Variants in DHX34 observed in about 807,000 individuals in gnomAD.
The protein encoded by DHX34 is probable ATP-dependent RNA helicase DHX34.
Under a neutral mutation model 111.1 loss-of-function variants are expected in DHX34, and 96 were observed. That is an observed-to-expected ratio of 0.86 (90% confidence interval 0.73 to 1.02). The LOEUF (loss-of-function observed/expected upper bound fraction) is 1.02, where lower values mean the gene tolerates loss of function less well. Among genes scored for constraint, DHX34 ranks in the 50% least tolerant of loss-of-function variants. The pLI, the probability that DHX34 is intolerant of heterozygous loss-of-function variation, is 0.00. For synonymous variants in DHX34, 688 were observed against 670.4 expected (o/e 1.03, Z -0.41); for missense variants, 1,560 against 1,579.9 (o/e 0.99, Z 0.21).
intron 14 of DHX34, 25 bp from the exon 15 acceptor site, chr19:47,380,791 C>G (rs751561460): frequency 8.1e-6 from 13 of 1,613,116 alleles, no homozygotes; most frequent in Admixed American, 6.7e-5. Flanking sequence ...CTGTCTCTCT[C>G]CATTTCCTGT....
chr19:47,379,011 C>T (rs999856820), intron 13 of DHX34, among the ~76,000 whole-genome samples: 13 of 151,932 alleles, frequency 8.6e-5, no homozygotes, highest in Non-Finnish European at 1.6e-4. Flanking sequence ...TGCCTGTAAT[C>T]CCAGCTACTA....
Position 47,376,561 on chromosome 19 carries a change from G to T in DHX34, c.2599+1G>T. On this transcript the variant is annotated splice_donor_variant, in intron 12 of 16. Transcript: ENST00000328771. LOFTEE classifies it high-confidence loss of function. Reference sequence around the variant, plus strand: ...GCCAGCAACTGCGACGGAAGCCGAGGTACAGTGAGCCCAGGCGGAAGGAAC... The same window carrying T: ...GCCAGCAACTGCGACGGAAGCCGAGTTACAGTGAGCCCAGGCGGAAGGAAC... The T allele has an allele frequency of 1.3e-6, 2 of 1,556,122 alleles. No homozygotes were observed. Among genetic ancestry groups the T allele is most frequent in the Non-Finnish European group, 1.7e-6 (2 of 1,150,676 alleles).
intron 4 of DHX34, among the ~76,000 whole-genome samples, chr19:47,358,552 C>T (rs1270291214): frequency 6.6e-6 from 1 of 151,648 alleles, no homozygotes; most frequent in Non-Finnish European, 1.5e-5. Flanking sequence ...TTCTTGGGCT[C>T]AAGTGATCCT....
At chr19:47,365,888 A>C (rs1275300156) in intron 6 of DHX34, among the ~76,000 whole-genome samples, 2 of 151,464 alleles carry the variant, frequency 1.3e-5, no homozygotes, top group South Asian at 2.1e-4. Flanking sequence ...TTTTGGTTGT[A>C]AGTGAGAGAA....
rs375950772 is a variant in DHX34 at position 47,353,985 on chromosome 19, CG to C, written c.705+252del. ...AAGGCTCATCACTTTTTTTTTGAGA[CG>C]GAGTCTCACTCTGTGGCCCAGGCTG... On this transcript the variant is annotated intron_variant, in intron 2 of 16. Transcript: ENST00000328771. This position sits in a 1 kb window ranked among gnomAD's most constrained non-coding sequence, Gnocchi z 4.6. 2.6e-5 allele frequency among the ~76,000 whole-genome samples: 4 copies of C among 152,076 alleles called. No individual in the cohort carries two copies. The highest frequency in any genetic ancestry group is 9.6e-5 in the African/African-American group (4 of 41,502).
At chr19:47,366,387 TCTC>T (rs1223921817) in intron 6 of DHX34, among the ~76,000 whole-genome samples, 1 of 151,986 alleles carries the variant, frequency 6.6e-6, no homozygotes, top group African/African-American at 2.4e-5. Flanking sequence ...TTCAAGCAAT[TCTC>T]CTGCCTCAGC....
intron 6 of DHX34, among the ~76,000 whole-genome samples, chr19:47,365,556 A>G (rs1461783039): frequency 1.3e-5 from 2 of 151,986 alleles, no homozygotes; most frequent in South Asian, 2.1e-4. Flanking sequence ...CCGGCCTATA[A>G]AGGTTTTTAA....
chr19:47,351,637 G>T (rs112946611), intron 1 of DHX34, among the ~76,000 whole-genome samples: 1 of 152,080 alleles, frequency 6.6e-6, no homozygotes, highest in Non-Finnish European at 1.5e-5. Context: ...AGAGCTCCAG[G>T]CTTATATCAA....
intron 5 of DHX34, among the ~76,000 whole-genome samples, chr19:47,362,159 C>T (rs553462961): frequency 4.1e-5 from 6 of 147,192 alleles, no homozygotes; most frequent in South Asian, 2.2e-4. Flanking sequence ...CCCAGCTACT[C>T]GGGAGGCTGA....
chr19:47,358,145 C>A, intron 4 of DHX34, 25 bp downstream of exon 4: 1 of 1,594,990 alleles, frequency 6.3e-7, no homozygotes. Flanking sequence ...CCGAGTGGGG[C>A]AGGCGGGGGG....
intron 7 of DHX34, among the ~76,000 whole-genome samples, chr19:47,370,088 G>A (rs1969919217): frequency 6.6e-6 from 1 of 152,166 alleles, no homozygotes; most frequent in Non-Finnish European, 1.5e-5. Flanking sequence ...ACCTGACGCT[G>A]CAGATGCCAC....
intron 15 of DHX34, 97 bp downstream of exon 15, chr19:47,381,089 C>G (rs531919430): frequency 6.4e-7 from 1 of 1,560,470 alleles, no homozygotes; most frequent in Non-Finnish European, 8.7e-7. Flanking sequence ...AAGTGGGGCC[C>G]GTGGCCCTGA....
At chr19:47,370,926 G>A (rs1253180752) in intron 7 of DHX34, among the ~76,000 whole-genome samples, 7 of 152,176 alleles carry the variant, frequency 4.6e-5, no homozygotes, top group African/African-American at 1.4e-4. Flanking sequence ...CGCCAGCCTC[G>A]GCATCCCTAA....
intron 2 of DHX34, among the ~76,000 whole-genome samples, chr19:47,354,610 A>C (rs189442128): frequency 2.0e-5 from 3 of 152,184 alleles, no homozygotes; most frequent in African/African-American, 7.2e-5. Flanking sequence ...TGGACTCCAG[A>C]GTCTGATGGG....
At position 47,352,915 on chromosome 19, in the gene DHX34, A is replaced by G; in HGVS notation, c.-116A>G. ...CCAGGAGGAAAAATTAGCTCTTTGA[A>G]GAGAAAGTAGTTCTCTATTGCAGGC... On this transcript the variant is annotated 5_prime_UTR_variant, in exon 2 of 17. Coordinates refer to ENST00000328771, the MANE Select transcript of DHX34 (RefSeq NM_014681.6). 1 of 1,452,242 alleles carries G rather than the reference A, an allele frequency of 6.9e-7. No homozygotes were observed. Among genetic ancestry groups the G allele is most frequent in the Non-Finnish European group, 9.1e-7 (1 of 1,102,624 alleles). The allele number at this position is 1,452,242 out of a possible 1,614,324, so 90.0% of individuals were successfully genotyped here.
At chr19:47,373,832 C>T (rs915335252) in intron 9 of DHX34, 132 bp downstream of exon 9, 35 of 1,178,124 alleles carry the variant, frequency 3.0e-5, no homozygotes, top group Non-Finnish European at 2.6e-5. Context: ...TCCCCCACCA[C>T]CCGGTGACCA....
intron 6 of DHX34, among the ~76,000 whole-genome samples, chr19:47,365,688 G>C (rs1490128602): frequency 6.6e-6 from 1 of 152,208 alleles, no homozygotes; most frequent in Admixed American, 6.6e-5. Context: ...CAGGCAAACA[G>C]ACTTCTCTGA....
At chr19:47,365,041 C>CCTCT in intron 6 of DHX34, among the ~76,000 whole-genome samples, 1 of 152,118 alleles carries the variant, frequency 6.6e-6, no homozygotes, top group South Asian at 2.1e-4. Flanking sequence ...AGTCTCTCAT[C>CCTCT]CTCTCTTGTC....
At chr19:47,365,623 A>G (rs1969767385) in intron 6 of DHX34, among the ~76,000 whole-genome samples, 1 of 151,882 alleles carries the variant, frequency 6.6e-6, no homozygotes, top group South Asian at 2.1e-4. Flanking sequence ...GGGAGGAAGG[A>G]GCAGCAGCTG....
Sources: allele counts gnomAD v4.1 joint callset (sites outside exome capture counted in the v4.1 genomes callset), GRCh38; gene constraint gnomAD v4.1.1; non-coding constraint Gnocchi (gnomAD v3.1); transcripts MANE v1.5; gene names NCBI Gene and HGNC (gene_info 2026-07-23, HGNC 2026-07-21).